RAB10: variants seen among roughly 807,000 people sequenced by gnomAD.
RAB10 encodes the protein ras-related protein Rab-10.
A neutral mutation model predicts 25.7 loss-of-function variants in RAB10; 5 were observed. The ratio of observed to expected loss-of-function variants is 0.19; its 90% confidence interval spans 0.10 to 0.41. The LOEUF is 0.41. Among genes scored for constraint, RAB10 ranks in the 10% least tolerant of loss-of-function variants. The pLI is 1.00. For missense variants in RAB10, 103 were observed against 245.8 expected, an observed-to-expected ratio of 0.42 and a Z score of 3.89; for synonymous variants, 89 against 86.4, an observed-to-expected ratio of 1.03 and a Z score of -0.16.
In RAB10 at chr2:26,107,245, C is replaced by CAA. The variant is rs57391958; in HGVS notation, c.189-2504_189-2503dup. Among the ~76,000 whole-genome samples, 662 of 66,688 alleles carry CAA rather than the reference C, an allele frequency of 9.9e-3. 15 individuals carry two copies. The highest frequency in any genetic ancestry group is 0.026 in the African/African-American group (518 of 19,794). The allele number at this position is 66,688 out of a possible 152,430, so 43.7% of individuals were successfully genotyped here. A position where few individuals can be genotyped will look rare whatever the true frequency, so the allele number is the denominator to read the frequency against. ...TGGGCAACAGAGCGACACCCTGTTT[C>CAA]AAAAAAAAAAAAAAAAAAAAGACTA... On this transcript the variant is annotated intron_variant, in intron 2 of 5. Transcript: ENST00000264710.
At chr2:26,054,197 A>G (rs1425146903) in intron 1 of RAB10, among the ~76,000 whole-genome samples, 1 of 147,278 alleles carries the variant, frequency 6.8e-6, no homozygotes, top group Non-Finnish European at 1.5e-5. Context: ...ACAGGCGCCC[A>G]CCGCCACGCC....
At chr2:26,089,250 C>T (rs1368720475) in intron 1 of RAB10, among the ~76,000 whole-genome samples, 1 of 151,688 alleles carries the variant, frequency 6.6e-6, no homozygotes, top group East Asian at 2.0e-4. Flanking sequence ...AATGGTGAAA[C>T]CCTGTCTTTA....
intron 1 of RAB10, among the ~76,000 whole-genome samples, chr2:26,063,562 A>G (rs1253431506): frequency 6.6e-6 from 1 of 152,204 alleles, no homozygotes; most frequent in East Asian, 1.9e-4. Context: ...GTATCATTAC[A>G]TGCAAGAAGT....
intron 5 of RAB10, among the ~76,000 whole-genome samples, chr2:26,130,489 T>A: frequency 6.6e-6 from 1 of 152,124 alleles, no homozygotes; most frequent in Admixed American, 6.5e-5. Context: ...TTTTTTTTTT[T>A]TAATTGATGG....
At chr2:26,055,162 T>C (rs1446461299) in intron 1 of RAB10, among the ~76,000 whole-genome samples, 1 of 152,082 alleles carries the variant, frequency 6.6e-6, no homozygotes, top group Non-Finnish European at 1.5e-5. Flanking sequence ...AGTATACAGT[T>C]GGTGGCTGCT....
chr2:26,035,048 TTAG>T (rs989242950), intron 1 of RAB10, among the ~76,000 whole-genome samples: 3 of 152,210 alleles, frequency 2.0e-5, no homozygotes, highest in African/African-American at 7.2e-5. Context: ...TTGCGTGGAA[TTAG>T]TAGATGTGTG....
intron 1 of RAB10, among the ~76,000 whole-genome samples, chr2:26,055,642 G>A (rs1332267083): frequency 1.3e-5 from 2 of 152,082 alleles, no homozygotes. Context: ...GCCTGCCTCA[G>A]CCTTCCAAAG....
chr2:26,090,042 T>TC (rs1180096005), intron 1 of RAB10, among the ~76,000 whole-genome samples: 1 of 152,106 alleles, frequency 6.6e-6, no homozygotes. Context: ...CCAGGAAAAA[T>TC]CCCCCCTGGA....
At position 26,090,513 on chromosome 2, in the gene RAB10, A is replaced by C. The variant is rs77644246; in HGVS notation, c.128-8149A>C. ...TTCTGTTTTCTTGCCTTTTTTTTTT[A>C]TTATTTTCTATATGTCACTTTCTCT... On this transcript the variant is annotated intron_variant, in intron 1 of 5. Coordinates refer to ENST00000264710, the MANE Select transcript of RAB10 (RefSeq NM_016131.5). Among the ~76,000 whole-genome samples, 8 of 94,144 alleles carry C rather than the reference A, an allele frequency of 8.5e-5. No homozygotes were observed. In the East Asian group the frequency reaches 2.0e-3, roughly 24 times the overall value. 61.8% of individuals were successfully genotyped at this position (94,144 alleles called of 152,430 possible). A position where few individuals can be genotyped will look rare whatever the true frequency, so the allele number is the denominator to read the frequency against.
At chr2:26,053,381 TGGG>T (rs1010237000) in intron 1 of RAB10, among the ~76,000 whole-genome samples, 2 of 152,182 alleles carry the variant, frequency 1.3e-5, no homozygotes, top group Non-Finnish European at 2.9e-5. Flanking sequence ...CTGATTTACT[TGGG>T]GGGAAATGGA....
At chr2:26,080,855 C>A (rs1207016461) in intron 1 of RAB10, among the ~76,000 whole-genome samples, 1 of 152,090 alleles carries the variant, frequency 6.6e-6, no homozygotes, top group East Asian at 1.9e-4. Flanking sequence ...TCTGTAGATA[C>A]CACCTTAACC....
At chr2:26,058,225 G>GT (rs952243536) in intron 1 of RAB10, among the ~76,000 whole-genome samples, 1 of 152,098 alleles carries the variant, frequency 6.6e-6, no homozygotes, top group African/African-American at 2.4e-5. Flanking sequence ...CTGGATTATT[G>GT]TAAGTTCTTA....
At chr2:26,058,180 TGCTACCA>T (rs1323540518) in intron 1 of RAB10, among the ~76,000 whole-genome samples, 1 of 152,208 alleles carries the variant, frequency 6.6e-6, no homozygotes, top group East Asian at 1.9e-4. Context: ...TTATCTCCGC[TGCTACCA>T]GCCTGGTCCA....
At chr2:26,065,437 C>T (rs967557900) in intron 1 of RAB10, among the ~76,000 whole-genome samples, 1 of 151,990 alleles carries the variant, frequency 6.6e-6, no homozygotes, top group Admixed American at 6.6e-5. Flanking sequence ...TTTGGCACTT[C>T]CCTGTTTGCA....
intron 1 of RAB10, among the ~76,000 whole-genome samples, chr2:26,040,191 A>C (rs1479852899): frequency 2.0e-5 from 3 of 152,088 alleles, no homozygotes; most frequent in Admixed American, 6.6e-5. Context: ...TCACTCTGTC[A>C]CCCAACTTGG....
In RAB10 at chr2:26,135,597, A is replaced by C. The variant is rs556390406; in HGVS notation, c.*576A>C. ...TCTGGTGGAAGCATGTGCAGGAGAC[A>C]TATCATCCAAACATAAACCATTAAA... On this transcript the variant is annotated 3_prime_UTR_variant, in exon 6 of 6. Coordinates refer to ENST00000264710, the MANE Select transcript of RAB10 (RefSeq NM_016131.5). 1 of 152,798 alleles carries C rather than the reference A, an allele frequency of 6.5e-6. No homozygotes were observed. Among genetic ancestry groups the C allele is most frequent in the African/African-American group, 2.4e-5 (1 of 41,576 alleles). The allele number at this position is 152,798 out of a possible 1,614,324, so 9.5% of individuals were successfully genotyped here. A position where few individuals can be genotyped will look rare whatever the true frequency, so the allele number is the denominator to read the frequency against.
chr2:26,121,319 T>C (rs1667799648), intron 3 of RAB10, among the ~76,000 whole-genome samples: 2 of 152,156 alleles, frequency 1.3e-5, no homozygotes, highest in African/African-American at 4.8e-5. Flanking sequence ...TAAACTGTCA[T>C]TGACCCTTGA....
At chr2:26,069,688 A>T (rs1474507560) in intron 1 of RAB10, among the ~76,000 whole-genome samples, 1 of 151,868 alleles carries the variant, frequency 6.6e-6, no homozygotes, top group African/African-American at 2.4e-5. Context: ...AAAAAAAGAA[A>T]AAAGGAAAAA....
rs138885628 is a variant in RAB10, at chr2:26,135,504, A to G, written c.*483A>G. On this transcript the variant is annotated 3_prime_UTR_variant, in exon 6 of 6. Coordinates refer to ENST00000264710, the MANE Select transcript of RAB10 (RefSeq NM_016131.5). The stretch of plus-strand genomic sequence containing the variant: ...GAAAACACTCATTTTCGCCTTGAAT[A>G]TGTAAATGGGATTAATTTTGTCCTG... The G allele has an allele frequency of 6.5e-6, 1 of 153,040 alleles. No individual in the cohort carries two copies. The highest frequency in any genetic ancestry group is 1.9e-4 in the East Asian group (1 of 5,190). The allele number at this position is 153,040 out of a possible 1,614,324, so 9.5% of individuals were successfully genotyped here.
Sources: allele counts gnomAD v4.1 joint callset (sites outside exome capture counted in the v4.1 genomes callset), GRCh38; gene constraint gnomAD v4.1.1; transcripts MANE v1.5; gene names NCBI Gene and HGNC (gene_info 2026-07-23, HGNC 2026-07-21).